Variants in RAB3GAP1 observed in about 807,000 individuals in gnomAD.
RAB3GAP1 encodes the protein rab3 GTPase-activating protein catalytic subunit.
In RAB3GAP1, 86 loss-of-function variants were observed where a neutral mutation model predicts 130.7. The ratio of observed to expected loss-of-function variants is 0.66; its 90% CI spans 0.55 to 0.79. The LOEUF (loss-of-function observed/expected upper bound fraction) is 0.79, where lower values mean the gene tolerates loss of function less well. Among genes scored for constraint, RAB3GAP1 ranks in the 30% least tolerant of loss-of-function variants. RAB3GAP1 has a pLI of 0.00. For synonymous variants in RAB3GAP1, 367 were observed against 401.7 expected, an observed-to-expected ratio of 0.91 and a Z score of 1.03; for missense variants, 1,029 against 1,169.4, an observed-to-expected ratio of 0.88 and a Z score of 1.75.
intron 3 of RAB3GAP1, among the ~76,000 whole-genome samples, chr2:135,074,561 TG>T (rs1558763153): frequency 6.6e-6 from 1 of 152,052 alleles, no homozygotes; most frequent in African/African-American, 2.4e-5. Context: ...CAGTTGTCTC[TG>T]GGCTTGGACA....
downstream of RAB3GAP1, among the ~76,000 whole-genome samples, chr2:135,174,590 A>C (rs981546962): frequency 5.3e-5 from 8 of 152,178 alleles, no homozygotes; most frequent in Non-Finnish European, 1.5e-5. Flanking sequence ...CAGCCACAGG[A>C]CGATTTGAGT....
At chr2:135,074,870 A>G (rs1574085463) in intron 3 of RAB3GAP1, among the ~76,000 whole-genome samples, 1 of 152,112 alleles carries the variant, frequency 6.6e-6, no homozygotes, top group South Asian at 2.1e-4. Flanking sequence ...AGCTGGAGGG[A>G]AGTTTTATAG....
At chr2:135,056,499 G>A (rs1372044188) in intron 2 of RAB3GAP1, among the ~76,000 whole-genome samples, 1 of 152,170 alleles carries the variant, frequency 6.6e-6, no homozygotes, top group Admixed American at 6.5e-5. Flanking sequence ...CGCTGTGCCT[G>A]GCCTTTGTAT....
intron 3 of RAB3GAP1, among the ~76,000 whole-genome samples, chr2:135,073,134 G>A (rs1689524911): frequency 6.6e-6 from 1 of 152,232 alleles, no homozygotes; most frequent in Non-Finnish European, 1.5e-5. Flanking sequence ...CCCCAAAGGG[G>A]TGTGGAATAT....
intron 13 of RAB3GAP1, among the ~76,000 whole-genome samples, chr2:135,132,249 CCTT>C (rs1691568857): frequency 2.0e-5 from 3 of 152,178 alleles, no homozygotes; most frequent in Admixed American, 6.5e-5. Context: ...TAGAGAGCCT[CCTT>C]CTTAAGACTG....
rs557049347 is a variant in RAB3GAP1 at position 135,113,297 on chromosome 2, A to G, written c.482+27A>G. ...TGAGTGGACATTTTTTAAAACCTAG[A>G]CAAAAAAACTGTTTTTAACAATAAT... On this transcript the variant is annotated intron_variant, in intron 6 of 23. Transcript: ENST00000264158. The G allele has an allele frequency of 1.4e-5, 22 of 1,612,848 alleles. No homozygotes were observed. In the South Asian group the frequency reaches 2.2e-4, roughly 16 times the overall value.
At chr2:135,164,182 CACAG>C (rs2105000413) in intron 22 of RAB3GAP1, among the ~76,000 whole-genome samples, 1 of 152,300 alleles carries the variant, frequency 6.6e-6, no homozygotes, top group Admixed American at 6.5e-5. Context: ...TGCGTGCACA[CACAG>C]ACACATACCC....
chr2:135,132,929 T>A lies in RAB3GAP1; in HGVS notation c.1271T>A (p.Leu424Ter), dbSNP rs1374514759. Reference sequence around the variant, plus strand: ...CCTGATGCTGTTTCTGAGAAACCATTAGATGGAACTACTTCAACAGATAAT... The same window carrying A: ...CCTGATGCTGTTTCTGAGAAACCATAAGATGGAACTACTTCAACAGATAAT... Reference protein sequence around the residue: ...LFPDAVSEKPLDGTTSTDNNN... With the variant: ...LFPDAVSEKP Residue 424 changes from leucine (L) to a stop codon, truncating the protein, a stop_gained, in exon 14 of 24, where the codon TTA becomes TAA. Coordinates refer to ENST00000264158, the MANE Select transcript of RAB3GAP1 (RefSeq NM_012233.3). LOFTEE classifies it high-confidence loss of function. 1 of 1,583,478 alleles carries A rather than the reference T, an allele frequency of 6.3e-7. No homozygotes were observed. The highest frequency in any genetic ancestry group is 1.7e-5 in the Admixed American group (1 of 59,948).
At chr2:135,077,665 T>C (rs551242947) in intron 3 of RAB3GAP1, among the ~76,000 whole-genome samples, 1 of 152,346 alleles carries the variant, frequency 6.6e-6, no homozygotes, top group African/African-American at 2.4e-5. Flanking sequence ...GCAGTTTACA[T>C]TCTCACCAGC....
intron 3 of RAB3GAP1, among the ~76,000 whole-genome samples, chr2:135,076,336 T>G (rs557344927): frequency 1.2e-4 from 18 of 152,356 alleles, no homozygotes; most frequent in African/African-American, 4.1e-4. Flanking sequence ...ATATGGTATA[T>G]GAAAGCACCC....
chr2:135,119,769 A>G (rs1691141967), intron 7 of RAB3GAP1, among the ~76,000 whole-genome samples: 1 of 152,190 alleles, frequency 6.6e-6, no homozygotes, highest in Non-Finnish European at 1.5e-5. Flanking sequence ...TCTCCTGAAC[A>G]GCAGCATCTG....
chr2:135,057,930 A>G lies in RAB3GAP1; in HGVS notation c.75-81A>G, dbSNP rs1338612852. On this transcript the variant is annotated intron_variant, in intron 2 of 23. Transcript: ENST00000264158. ...TCTGGTCAAATTGTTAAAATATAAA[A>G]AATACCTTTTTAAAGAAATTACATA... 1.0e-5 allele frequency: 11 copies of G among 1,051,286 alleles called. No individual in the cohort carries two copies. The South Asian group carries it at 1.5e-4, about 15-fold the overall frequency. 65.1% of individuals were successfully genotyped at this position (1,051,286 alleles called of 1,614,324 possible). A position where few individuals can be genotyped will look rare whatever the true frequency, so the allele number is the denominator to read the frequency against.
intron 5 of RAB3GAP1, among the ~76,000 whole-genome samples, chr2:135,094,498 A>C (rs574045227): frequency 9.2e-5 from 14 of 152,016 alleles, no homozygotes; most frequent in African/African-American, 3.1e-4. Flanking sequence ...TTTCTATCCA[A>C]CTGTATTTTT....
At chr2:135,072,736 A>C (rs1558762419) in intron 3 of RAB3GAP1, among the ~76,000 whole-genome samples, 1 of 152,178 alleles carries the variant, frequency 6.6e-6, no homozygotes, top group Non-Finnish European at 1.5e-5. Flanking sequence ...TCTCATATAA[A>C]GTATCTTTTT....
At chr2:135,095,891 AG>A (rs1558773252) in intron 5 of RAB3GAP1, among the ~76,000 whole-genome samples, 2 of 152,158 alleles carry the variant, frequency 1.3e-5, no homozygotes, top group Admixed American at 1.3e-4. Flanking sequence ...TAGTACAATA[AG>A]ATATCTTGAG....
chr2:135,071,989 T>C (rs1033835216), intron 3 of RAB3GAP1, among the ~76,000 whole-genome samples: 5 of 152,208 alleles, frequency 3.3e-5, no homozygotes, highest in African/African-American at 9.6e-5. Context: ...CTTGGCCCAT[T>C]GCAACCTCCA....
At chr2:135,121,478 C>T (rs930195374) in intron 8 of RAB3GAP1, among the ~76,000 whole-genome samples, 6 of 152,294 alleles carry the variant, frequency 3.9e-5, no homozygotes, top group Admixed American at 6.5e-5. Flanking sequence ...TAACCTGAGA[C>T]TAGGCGGTGC....
intron 19 of RAB3GAP1, among the ~76,000 whole-genome samples, chr2:135,155,351 G>A (rs1692281558): frequency 6.6e-6 from 1 of 152,084 alleles, no homozygotes; most frequent in Non-Finnish European, 1.5e-5. Context: ...AGATATAGGA[G>A]TAAAAGGAAT....
chr2:135,140,623 GACC>G (rs1399490488), intron 17 of RAB3GAP1, among the ~76,000 whole-genome samples: 1 of 152,188 alleles, frequency 6.6e-6, no homozygotes, highest in East Asian at 1.9e-4. Flanking sequence ...AACAAATTGT[GACC>G]ACATGTGTGA....
Sources: allele counts gnomAD v4.1 joint callset (sites outside exome capture counted in the v4.1 genomes callset), GRCh38; gene constraint gnomAD v4.1.1; transcripts MANE v1.5; gene names NCBI Gene and HGNC (gene_info 2026-07-23, HGNC 2026-07-21).